The following ANO3 variants were observed in gnomAD, a reference collection of about 807,000 sequenced individuals.
ANO3 encodes the protein anoctamin-3.
In ANO3, 99 loss-of-function variants were observed where a neutral mutation model predicts 144.8. The ratio of observed to expected loss-of-function variants is 0.68; its 90% confidence interval spans 0.58 to 0.81. The LOEUF is 0.81. Among genes scored for constraint, ANO3 ranks in the 30% least tolerant of loss-of-function variants. ANO3 has a pLI of 0.00. For synonymous variants in ANO3, 414 were observed against 392.6 expected, an observed-to-expected ratio of 1.05 and a Z score of -0.64; for missense variants, 905 against 1,202.2, an observed-to-expected ratio of 0.75 and a Z score of 3.66.
At chr11:26,245,628 C>T (rs746305832) in intron 1 of ANO3, among the ~76,000 whole-genome samples, 6 of 152,074 alleles carry the variant, frequency 3.9e-5, no homozygotes, top group African/African-American at 7.2e-5. Context: ...CAAAGGAAAA[C>T]GTTTCCTTTT....
At chr11:26,342,918 C>T (rs186735357) in intron 1 of ANO3, among the ~76,000 whole-genome samples, 1 of 152,146 alleles carries the variant, frequency 6.6e-6, no homozygotes, top group East Asian at 1.9e-4. Flanking sequence ...TTTTGACATA[C>T]ACATACTTTG....
chr11:26,660,475 CATT>C lies in ANO3; in HGVS notation c.*33_*35del, dbSNP rs757865097. 3 of 1,549,242 alleles carry C rather than the reference CATT, an allele frequency of 1.9e-6. No individual in the cohort carries two copies. The highest frequency in any genetic ancestry group is 2.6e-6 in the Non-Finnish European group (3 of 1,151,096). ...ACCTGTTACCCATTAGGGGTGATAA[CATT>C]AATGGGAAGAAATGATGGCAACTTT... is the stretch of plus-strand genomic sequence containing the variant. On this transcript the variant is annotated 3_prime_UTR_variant, in exon 27 of 27. Transcript: ENST00000256737.
At chr11:26,243,552 T>G (rs1043655283) in intron 1 of ANO3, among the ~76,000 whole-genome samples, 1 of 152,200 alleles carries the variant, frequency 6.6e-6, no homozygotes, top group African/African-American at 2.4e-5. Context: ...TTTGGTTGAC[T>G]AAGGTTGGCT....
chr11:26,258,240 T>C (rs1054178581), intron 1 of ANO3, among the ~76,000 whole-genome samples: 1 of 152,190 alleles, frequency 6.6e-6, no homozygotes, highest in African/African-American at 2.4e-5. Flanking sequence ...CTTTGACTCT[T>C]TTATATGGAT....
At chr11:26,421,131 C>T (rs1354718070) in intron 1 of ANO3, among the ~76,000 whole-genome samples, 1 of 151,924 alleles carries the variant, frequency 6.6e-6, no homozygotes, top group East Asian at 1.9e-4. Flanking sequence ...TAATTTTTTT[C>T]CCTATGATCA....
intron 1 of ANO3, among the ~76,000 whole-genome samples, chr11:26,335,004 C>T (rs953232942): frequency 9.2e-5 from 14 of 152,054 alleles, no homozygotes; most frequent in African/African-American, 2.7e-4. Flanking sequence ...AACCAATCCC[C>T]GATCAAAATT....
chr11:26,330,992 A>T (rs2133887335), upstream of ANO3, among the ~76,000 whole-genome samples: 1 of 152,332 alleles, frequency 6.6e-6, no homozygotes, highest in African/African-American at 2.4e-5. Context: ...TTCCAGGAAG[A>T]ACTTAGGGCT....
intron 26 of ANO3, 73 bp from the exon 27 acceptor site, chr11:26,660,189 T>C (rs1450092882): frequency 1.3e-5 from 18 of 1,345,308 alleles, no homozygotes; most frequent in Non-Finnish European, 1.7e-5. Flanking sequence ...GCAACATTGT[T>C]CATTGTTGTA....
chr11:26,239,166 A>T (rs1852599972), intron 1 of ANO3, among the ~76,000 whole-genome samples: 1 of 151,874 alleles, frequency 6.6e-6, no homozygotes, highest in African/African-American at 2.4e-5. Flanking sequence ...AAATGCAGAC[A>T]CATTATTAAA....
intron 14 of ANO3, among the ~76,000 whole-genome samples, chr11:26,569,774 A>G (rs1334073274): frequency 6.6e-6 from 1 of 152,112 alleles, no homozygotes; most frequent in Non-Finnish European, 1.5e-5. Flanking sequence ...TGCTTTATAA[A>G]GCTGAAATGA....
intron 14 of ANO3, among the ~76,000 whole-genome samples, chr11:26,562,460 C>T (rs1850331700): frequency 6.6e-6 from 1 of 151,842 alleles, no homozygotes; most frequent in East Asian, 1.9e-4. Flanking sequence ...TGCAGATGAA[C>T]CAAGCAATAA....
intron 1 of ANO3, among the ~76,000 whole-genome samples, chr11:26,397,091 A>G (rs1482745090): frequency 2.0e-5 from 3 of 152,028 alleles, no homozygotes; most frequent in Non-Finnish European, 2.9e-5. Context: ...TCCTCAGTTC[A>G]TAGGACATTT....
At chr11:26,641,832 T>G in intron 21 of ANO3, 64 bp from the exon 22 acceptor site, 1 of 1,483,510 alleles carries the variant, frequency 6.7e-7, no homozygotes, top group Non-Finnish European at 9.0e-7. Flanking sequence ...CTTAATTCAC[T>G]ATACATTGTT....
intron 1 of ANO3, among the ~76,000 whole-genome samples, chr11:26,290,930 T>C (rs1262469227): frequency 2.0e-5 from 3 of 152,218 alleles, no homozygotes; most frequent in Admixed American, 6.5e-5. Flanking sequence ...TTAGGTCCAC[T>C]TGGTGCAGAG....
chr11:26,570,703 G>A (rs916930680), intron 14 of ANO3, among the ~76,000 whole-genome samples: 5 of 152,134 alleles, frequency 3.3e-5, no homozygotes, highest in African/African-American at 1.2e-4. Context: ...TACAAATTAA[G>A]ACAGATGGGT....
chr11:26,546,027 C>G (rs561548803), intron 11 of ANO3, among the ~76,000 whole-genome samples: 131 of 151,948 alleles, frequency 8.6e-4, no homozygotes, highest in African/African-American at 2.8e-3. Context: ...CTATATCATA[C>G]TGATATAGAT....
intron 1 of ANO3, among the ~76,000 whole-genome samples, chr11:26,303,460 T>C (rs550058295): frequency 6.6e-6 from 1 of 152,174 alleles, no homozygotes; most frequent in East Asian, 1.9e-4. Flanking sequence ...AACCAAGTAC[T>C]TTGTGTTCTC....
chr11:26,553,828 G>A (rs1022360444), intron 13 of ANO3, among the ~76,000 whole-genome samples: 4 of 152,054 alleles, frequency 2.6e-5, no homozygotes, highest in South Asian at 2.1e-4. Context: ...CTTTGGGATT[G>A]GAACATGAAT....
chr11:26,474,240 G>C (rs1330882454), intron 4 of ANO3: 1 of 298,922 alleles, frequency 3.3e-6, no homozygotes, highest in East Asian at 1.7e-4. Context: ...AATTGGAATT[G>C]AGTGTATCTG....
Sources: gnomAD v4.1 joint callset for allele counts (sites outside exome capture counted in the v4.1 genomes callset) on GRCh38, gnomAD v4.1.1 for gene constraint, MANE v1.5 for transcripts, NCBI Gene and HGNC (gene_info 2026-07-23, HGNC 2026-07-21) for gene names.